The following GJA5 variants were observed in gnomAD, a reference collection of about 807,000 sequenced individuals.
GJA5 encodes the protein gap junction alpha-5 protein.
In GJA5, 3 loss-of-function variants were observed where a neutral mutation model predicts 7.9. That is an observed-to-expected ratio of 0.38 (90% confidence interval 0.17 to 0.99). The LOEUF (loss-of-function observed/expected upper bound fraction) is 0.99, where lower values mean the gene tolerates loss of function less well. Among genes scored for constraint, GJA5 ranks in the 50% least tolerant of loss-of-function variants. The pLI is 0.38. For missense variants in GJA5, 390 were observed against 457.9 expected (o/e 0.85, Z 1.35); for synonymous variants, 193 against 181.0 (o/e 1.07, Z -0.53).
At chr1:147,772,316 G>A (rs1369766968) in intron 1 of GJA5, among the ~76,000 whole-genome samples, 1 of 152,200 alleles carries the variant, frequency 6.6e-6, no homozygotes, top group Non-Finnish European at 1.5e-5. Context: ...CAACAGAGCA[G>A]GATGAGAAAT....
intron 1 of GJA5, among the ~76,000 whole-genome samples, 181 bp from the exon 2 acceptor site, chr1:147,759,452 A>G (rs1466063155): frequency 6.6e-6 from 1 of 152,238 alleles, no homozygotes; most frequent in Non-Finnish European, 1.5e-5. Context: ...AAAAATAAAA[A>G]GAAAGAGAAG....
chr1:147,772,050 C>A (rs1571083141), intron 1 of GJA5, among the ~76,000 whole-genome samples: 1 of 152,084 alleles, frequency 6.6e-6, no homozygotes, highest in East Asian at 1.9e-4. Flanking sequence ...AGCCACAGCA[C>A]CAGGCAGTCA....
chr1:147,773,229 T>G (rs1473160507), intron 1 of GJA5: 1 of 152,164 alleles, frequency 6.6e-6, no homozygotes, highest in Admixed American at 6.5e-5. Context: ...GCTTTAGCTG[T>G]TCAAATTCAA....
Position 147,771,335 on chromosome 1 carries a change from C to A in GJA5, c.-34+1917G>T, listed in dbSNP as rs112384028. Among the ~76,000 whole-genome samples the A allele has an allele frequency of 8.2e-4, 125 of 152,190 alleles. 2 individuals carry two copies. Among genetic ancestry groups the A allele is most frequent in the African/African-American group, 2.7e-3 (114 of 41,526 alleles). On this transcript the variant is annotated intron_variant, in intron 1 of 1. Coordinates refer to the GJA5 transcript ENST00000430508. Reference sequence around the variant, plus strand: ...AGGGAGAGATGGAGGCTAGGAAAATCCAGCCGGGGGATGGACATTAGAAGA... The same window carrying A: ...AGGGAGAGATGGAGGCTAGGAAAATACAGCCGGGGGATGGACATTAGAAGA...
chr1:147,758,743 C>T lies in GJA5; in HGVS notation c.496G>A (p.Gly166Ser), dbSNP rs782065420. The change falls in exon 2 of 2, where the codon GGC becomes AGC. Residue 166 changes from glycine to serine, a missense_variant. By Grantham distance (56) the Gly-to-Ser change is moderately conservative. This residue lies in a region of GJA5 where 354 missense variants were observed against 370.9 expected (regional missense o/e 0.95). Transcript: ENST00000579774. ...ATGAAGTACTGGCCCACAATGAAGC[C>T]CACCTCCATGGTGGTGCGGATCAGG... ...SILIRTTMEV[G>S]FIVGQYFIYG... is the part of the protein sequence containing the mutation. 2.4e-5 allele frequency: 38 copies of T among 1,613,988 alleles called. No homozygotes were observed. The highest frequency in any genetic ancestry group is 3.3e-5 in the Admixed American group (2 of 60,006).
intron 1 of GJA5, among the ~76,000 whole-genome samples, chr1:147,772,963 C>G (rs1664468815): frequency 6.6e-6 from 1 of 152,142 alleles, no homozygotes; most frequent in South Asian, 2.1e-4. Flanking sequence ...AAGATGCCCC[C>G]AGAGGACTGA....
chr1:147,759,988 C>T (rs1663927616), intron 1 of GJA5, among the ~76,000 whole-genome samples: 2 of 152,142 alleles, frequency 1.3e-5, no homozygotes, highest in Admixed American at 6.5e-5. Context: ...AACCATCCAG[C>T]ATGGACCAGC....
Position 147,759,241 on chromosome 1 carries a change from T to C in GJA5, c.-3A>G, listed in dbSNP as rs1553227120. On this transcript the variant is annotated 5_prime_UTR_variant, in exon 2 of 2. Transcript: ENST00000579774. ...CCCAGGAAGCTCCAATCGCCCATCT[T>C]GGCACAGCCAGGGAACAGATGCCAA... The C allele has an allele frequency of 1.2e-6, 2 of 1,604,996 alleles. No homozygotes were observed. Among genetic ancestry groups the C allele is most frequent in the Non-Finnish European group, 1.7e-6 (2 of 1,171,952 alleles).
At chr1:147,762,914 G>C (rs1664074282), upstream of GJA5, among the ~76,000 whole-genome samples, 1 of 152,208 alleles carries the variant, frequency 6.6e-6, no homozygotes, top group African/African-American at 2.4e-5. Context: ...AGGGGCAAAG[G>C]AAGCTGCCCA....
upstream of GJA5, among the ~76,000 whole-genome samples, chr1:147,764,096 C>T (rs1318361118): frequency 6.6e-6 from 1 of 152,178 alleles, no homozygotes; most frequent in Non-Finnish European, 1.5e-5. Flanking sequence ...CAGGCATGAC[C>T]CACCATGCCC....
intron 1 of GJA5, among the ~76,000 whole-genome samples, chr1:147,766,309 A>C (rs1429880112): frequency 6.6e-6 from 1 of 152,100 alleles, no homozygotes; most frequent in Admixed American, 6.6e-5. Flanking sequence ...ACTTTATAAA[A>C]ACAACGATGG....
At chr1:147,764,181 A>T (rs1664119062), upstream of GJA5, among the ~76,000 whole-genome samples, 3 of 152,150 alleles carry the variant, frequency 2.0e-5, no homozygotes, top group African/African-American at 7.2e-5. Flanking sequence ...AGCAACCCAG[A>T]TTAATCATAA....
At chr1:147,766,560 A>G (rs934057414) in intron 1 of GJA5, among the ~76,000 whole-genome samples, 13 of 152,220 alleles carry the variant, frequency 8.5e-5, no homozygotes, top group South Asian at 2.1e-4. Flanking sequence ...TCTACCTGTG[A>G]CAGAGCCGTT....
upstream of GJA5, among the ~76,000 whole-genome samples, chr1:147,764,766 A>T (rs1383483105): frequency 2.0e-5 from 3 of 148,450 alleles, no homozygotes; most frequent in Non-Finnish European, 4.4e-5. Context: ...GGAGGTTGCA[A>T]TGAGCTGAGA....
In GJA5 at chr1:147,758,585, G is replaced by A. The variant is rs1553226914; in HGVS notation, c.654C>T (p.Ser218=). The A allele has an allele frequency of 6.2e-7, 1 of 1,613,952 alleles. No homozygotes were observed. The highest frequency in any genetic ancestry group is 1.7e-5 in the Admixed American group (1 of 60,022). Residue 218 remains serine, a synonymous_variant, in exon 2 of 2, where the codon TCC becomes TCT. Coordinates refer to ENST00000579774, the MANE Select transcript of GJA5 (RefSeq NM_181703.4). The part of the protein sequence containing the change: ...IVFMLAVAAL[S]LLLSLAELYH... ...AGAGTTCAGCCAGGCTAAGGAGGAG[G>A]GACAGTGCAGCCACAGCCAGCATAA...
At chr1:147,766,733 A>T (rs1361014188) in intron 1 of GJA5, among the ~76,000 whole-genome samples, 1 of 152,068 alleles carries the variant, frequency 6.6e-6, no homozygotes. Flanking sequence ...ACAACGACAC[A>T]TGTTCTGGAC....
At chr1:147,764,823 CAAAAAAAAA>C (rs10622801), upstream of GJA5, among the ~76,000 whole-genome samples, 2,592 of 125,672 alleles carry the variant, frequency 0.021, 60 homozygotes, top group African/African-American at 0.072. Context: ...GACTCCGTCT[CAAAAAAAAA>C]AAAAAAAAAA....
chr1:147,764,584 G>T (rs1280841558), upstream of GJA5, among the ~76,000 whole-genome samples: 5 of 152,088 alleles, frequency 3.3e-5, no homozygotes, highest in African/African-American at 4.8e-5. Context: ...CAGCACTTTG[G>T]AAGGCCGAGG....
intron 1 of GJA5, among the ~76,000 whole-genome samples, chr1:147,772,681 A>G (rs1245783685): frequency 1.3e-5 from 2 of 151,622 alleles, no homozygotes; most frequent in Non-Finnish European, 2.9e-5. Flanking sequence ...CTCCGGCTGC[A>G]AGTGGCAGCC....
Sources: gnomAD v4.1 joint callset for allele counts (sites outside exome capture counted in the v4.1 genomes callset) on GRCh38, gnomAD v4.1.1 for gene constraint, gnomAD v4.1.1 regional missense constraint, MANE v1.5 for transcripts, NCBI Gene and HGNC (gene_info 2026-07-23, HGNC 2026-07-21) for gene names.